Variants in MORF4L2 observed in about 807,000 individuals in gnomAD.
The protein encoded by MORF4L2 is mortality factor 4-like protein 2.
Under a neutral mutation model 12.0 loss-of-function variants are expected in MORF4L2, and 1 was observed. The ratio of observed to expected loss-of-function variants is 0.08; its 90% CI spans 0.03 to 0.40. The LOEUF is 0.40. Among genes scored for constraint, MORF4L2 ranks in the 10% least tolerant of loss-of-function variants. MORF4L2 has a pLI of 0.98. For synonymous variants in MORF4L2, 69 were observed against 81.6 expected (o/e 0.85, Z 0.83); for missense variants, 123 against 214.0 (o/e 0.57, Z 2.65).
chrX:103,680,728 TCATATACAC>T (rs2073967941), intron 2 of MORF4L2, among the ~76,000 whole-genome samples: 1 of 112,552 alleles, frequency 8.9e-6, no homozygotes, highest in Admixed American at 9.4e-5. Flanking sequence ...CATTTATGTT[TCATATACAC>T]CTTATACACA....
chrX:103,681,341 A>G (rs1301335847), intron 2 of MORF4L2, among the ~76,000 whole-genome samples: 1 of 111,552 alleles, frequency 9.0e-6, no homozygotes, highest in East Asian at 2.8e-4. Flanking sequence ...CAAATCTTAG[A>G]TTTTTCCTTT....
chrX:103,680,366 A>C (rs1198113800), intron 2 of MORF4L2, among the ~76,000 whole-genome samples: 1 of 112,654 alleles, frequency 8.9e-6, no homozygotes, highest in Non-Finnish European at 1.9e-5. Context: ...GTCAGTCTTC[A>C]GAAAGCATCA....
At chrX:103,679,540 C>T (rs1006028492) in intron 2 of MORF4L2, among the ~76,000 whole-genome samples, 4 of 108,421 alleles carry the variant, frequency 3.7e-5, no homozygotes, top group Non-Finnish European at 7.7e-5. Flanking sequence ...AAAGATAGTA[C>T]AGGTAGAGAA....
chrX:103,686,833 AC>A (rs2074123075), upstream of MORF4L2: 1 of 111,201 alleles, frequency 9.0e-6, no homozygotes, highest in Non-Finnish European at 1.9e-5. Flanking sequence ...TTGGACAACC[AC>A]CCCCACGTCA....
rs2074058833 is a variant in MORF4L2 at position 103,684,710 on chromosome X, A to G, written c.-178+461T>C. The G allele has an allele frequency of 2.7e-5, 3 of 112,570 alleles. No homozygotes were observed. In the South Asian group the frequency reaches 1.1e-3, roughly 41 times the overall value. 9.3% of individuals were successfully genotyped at this position (112,570 alleles called of 1,213,427 possible). A position where few individuals can be genotyped will look rare whatever the true frequency, so the allele number is the denominator to read the frequency against. On this transcript the variant is annotated intron_variant, in intron 2 of 3. Coordinates refer to ENST00000441076, the MANE Select transcript of MORF4L2 (RefSeq NM_012286.3). ...GCCATGCACTGTCCTGGTACTTTAC[A>G]TGTAATCCTCTCAACAATCCTATGA... is the stretch of plus-strand genomic sequence containing the variant.
intron 1 of MORF4L2, among the ~76,000 whole-genome samples, chrX:103,686,299 A>T (rs2074106585): frequency 8.9e-6 from 1 of 111,774 alleles, no homozygotes; most frequent in Non-Finnish European, 1.9e-5. Context: ...ACAATTAGCG[A>T]ATTTATATAA....
intron 2 of MORF4L2, among the ~76,000 whole-genome samples, chrX:103,679,617 A>G (rs1029616590): frequency 6.4e-5 from 7 of 110,162 alleles, no homozygotes; most frequent in African/African-American, 2.3e-4. Context: ...TTTTAAACAG[A>G]TGTCTATAAA....
intron 2 of MORF4L2, among the ~76,000 whole-genome samples, chrX:103,680,891 C>T (rs1468523947): frequency 8.9e-6 from 1 of 112,105 alleles, no homozygotes; most frequent in African/African-American, 3.2e-5. Context: ...GGTTACTGAA[C>T]CTGCATGAGT....
intron 1 of MORF4L2, among the ~76,000 whole-genome samples, chrX:103,686,124 TCC>T (rs5903221): frequency 0.051 from 3,921 of 76,683 alleles, 122 homozygotes; most frequent in African/African-American, 0.13. Context: ...TTTCTTGCAC[TCC>T]CCCCCCCCCC....
intron 2 of MORF4L2, among the ~76,000 whole-genome samples, chrX:103,678,994 C>G (rs769306789): frequency 5.4e-5 from 6 of 111,639 alleles, no homozygotes; most frequent in African/African-American, 1.9e-4. Context: ...CAAAGATGTT[C>G]AATGTAGTGG....
intron 2 of MORF4L2, among the ~76,000 whole-genome samples, chrX:103,681,452 T>G (rs944855415): frequency 6.3e-4 from 71 of 112,040 alleles, no homozygotes; most frequent in African/African-American, 2.2e-3. Context: ...TGAGCATACC[T>G]TAATTTACTT....
intron 2 of MORF4L2, among the ~76,000 whole-genome samples, chrX:103,682,934 A>G (rs2074018917): frequency 8.9e-6 from 1 of 112,280 alleles, no homozygotes; most frequent in Non-Finnish European, 1.9e-5. Context: ...CCTCAAATGT[A>G]TAACTAACTT....
intron 2 of MORF4L2, among the ~76,000 whole-genome samples, chrX:103,683,891 T>A (rs1039197653): frequency 2.7e-5 from 3 of 110,930 alleles, no homozygotes; most frequent in Non-Finnish European, 5.7e-5. Flanking sequence ...GTCCACCCCT[T>A]ACCTTTGGCC....
intron 1 of MORF4L2, among the ~76,000 whole-genome samples, chrX:103,685,861 AT>A (rs1297116030): frequency 9.0e-6 from 1 of 111,646 alleles, no homozygotes; most frequent in Non-Finnish European, 1.9e-5. Flanking sequence ...CCCAGACATT[AT>A]TTAATCCGTA....
intron 2 of MORF4L2, among the ~76,000 whole-genome samples, chrX:103,680,991 A>G (rs1255323272): frequency 8.9e-6 from 1 of 112,178 alleles, no homozygotes; most frequent in African/African-American, 3.2e-5. Context: ...AGAAAGCAAC[A>G]TGACCTAGTG....
chrX:103,686,290 C>G (rs1222531691), intron 1 of MORF4L2, among the ~76,000 whole-genome samples: 1 of 111,865 alleles, frequency 8.9e-6, no homozygotes, highest in Admixed American at 9.5e-5. Context: ...AAGGGCACTA[C>G]AATTAGCGAA....
intron 2 of MORF4L2, chrX:103,684,940 A>G (rs983457142): frequency 8.9e-6 from 1 of 112,557 alleles, no homozygotes; most frequent in Non-Finnish European, 1.9e-5. Context: ...CTACTACAGG[A>G]GATTGACTGT....
rs1233872112 is a variant in MORF4L2 at position 103,676,896 on chromosome X, A to G, written c.132T>C (p.Ala44=). The G allele has an allele frequency of 8.3e-7, 1 of 1,209,141 alleles. No individual in the cohort carries two copies. Among genetic ancestry groups the G allele is most frequent in the East Asian group, 3.0e-5 (1 of 33,704 alleles). The part of the protein sequence containing the change: ...MRGASSGKKT[A]GPQQKNLEPA... ...GTTCAAGATTTTTCTGCTGTGGACC[A>G]GCTGTCTTCTTTCCTGAGGAGGCCC... is the stretch of plus-strand genomic sequence containing the variant. The change falls in exon 4 of 4, where the codon GCT becomes GCC. Residue 44 remains alanine (A), a synonymous_variant. Transcript: ENST00000441076.
At chrX:103,677,883 T>TA (rs1234310361) in intron 3 of MORF4L2, among the ~76,000 whole-genome samples, 1 of 109,815 alleles carries the variant, frequency 9.1e-6, no homozygotes, top group African/African-American at 3.3e-5. Flanking sequence ...TTTAAGAAGG[T>TA]AAAAAAAAGA....
Sources: gnomAD v4.1 joint callset for allele counts (sites outside exome capture counted in the v4.1 genomes callset) on GRCh38, gnomAD v4.1.1 for gene constraint, MANE v1.5 for transcripts, NCBI Gene and HGNC (gene_info 2026-07-23, HGNC 2026-07-21) for gene names.